The following POC5 variants were observed in gnomAD, a reference collection of about 807,000 sequenced individuals.
POC5 encodes centrosomal protein POC5.
A neutral mutation model predicts 62.9 loss-of-function variants in POC5; 48 were observed. That is an observed-to-expected ratio of 0.76 (90% CI 0.61 to 0.97). The LOEUF (loss-of-function observed/expected upper bound fraction) is 0.97. Ranked by LOEUF, POC5 falls within the 50% of genes least tolerant of loss-of-function variation. The probability of loss-of-function intolerance (pLI) is 0.00; values close to 1 mark genes in which losing one functional copy is unlikely to be tolerated. For synonymous variants in POC5, 236 were observed against 228.2 expected (o/e 1.03, Z -0.31); for missense variants, 696 against 679.5 (o/e 1.02, Z -0.27).
At chr5:75,684,490 G>A (rs985196571) in intron 10 of POC5, among the ~76,000 whole-genome samples, 4 of 150,486 alleles carry the variant, frequency 2.7e-5, no homozygotes, top group African/African-American at 4.9e-5. Flanking sequence ...TCAGCCTCCC[G>A]AGTAGATGGG....
intron 11 of POC5, 33 bp downstream of exon 11, chr5:75,677,740 CT>C (rs751434136): frequency 6.6e-6 from 10 of 1,504,310 alleles, no homozygotes; most frequent in Non-Finnish European, 8.9e-6. Context: ...AGGAAAAAGA[CT>C]TTTTGACAAA....
intron 10 of POC5, among the ~76,000 whole-genome samples, chr5:75,683,689 T>C (rs1437164127): frequency 6.7e-6 from 1 of 149,160 alleles, no homozygotes; most frequent in Non-Finnish European, 1.5e-5. Flanking sequence ...ATGTGCTTCA[T>C]CTGAAACTCT....
chr5:75,707,815 A>G lies in POC5; in HGVS notation c.145T>C (p.Ser49Pro). 6.3e-7 allele frequency: 1 copy of G among 1,586,124 alleles called. No homozygotes were observed. The highest frequency in any genetic ancestry group is 8.6e-7 in the Non-Finnish European group (1 of 1,162,602). Residue 49 changes from serine (S) to proline (P), a missense_variant, in exon 3 of 12, where the codon TCA becomes CCA. By Grantham distance (74) the Ser-to-Pro change is moderately conservative. Transcript: ENST00000428202. Reference sequence around the variant, plus strand: ...TCTCCCTTAGGATGAGATGACTGTGAAGCACAGGGTTCAATATTTGGAGTC... The same window carrying G: ...TCTCCCTTAGGATGAGATGACTGTGGAGCACAGGGTTCAATATTTGGAGTC... Reference protein sequence around the residue: ...IVTPNIEPCASQSSHPKGELV... With the variant: ...IVTPNIEPCAPQSSHPKGELV...
intron 10 of POC5, among the ~76,000 whole-genome samples, chr5:75,684,565 C>T (rs879266998): frequency 9.9e-5 from 15 of 152,004 alleles, no homozygotes; most frequent in Non-Finnish European, 1.6e-4. Flanking sequence ...GGGGTTTCAC[C>T]ATGGCCAGGC....
intron 8 of POC5, among the ~76,000 whole-genome samples, 198 bp downstream of exon 8, chr5:75,690,185 T>C (rs1776267638): frequency 6.6e-6 from 1 of 152,222 alleles, no homozygotes; most frequent in Non-Finnish European, 1.5e-5. Context: ...AACTAATAAT[T>C]TCAATTTCTA....
At position 75,699,184 on chromosome 5, in the gene POC5, T is replaced by C. The variant is rs577231406; in HGVS notation, c.513+3421A>G. 4.9e-3 allele frequency among the ~76,000 whole-genome samples: 752 copies of C among 152,056 alleles called. 2 individuals carry two copies. Among genetic ancestry groups the C allele is most frequent in the Non-Finnish European group, 6.9e-3 (468 of 67,988 alleles). On this transcript the variant is annotated intron_variant, in intron 5 of 11. Coordinates refer to ENST00000428202, the MANE Select transcript of POC5 (RefSeq NM_001099271.2). ...TTCCTTCTGAAACTATTCCAATCAA[T>C]AGAAAAAGAGGGAATCCTCCCTAAC...
In POC5 at chr5:75,692,456, C is replaced by G; in HGVS notation, c.735G>C (p.Lys245Asn). Residue 245 changes from lysine to asparagine, a missense_variant, in exon 7 of 12, where the codon AAG becomes AAC. Transcript: ENST00000428202. The stretch of plus-strand genomic sequence containing the variant: ...GGAAGAATGTTCTCATCAACTCTAT[C>G]TTTTCCTTTTGCTTGCCTATGGCAT... ...LSHAIGKQKE[K>N]IELMRTFFHW... 1 of 1,602,922 alleles carries G rather than the reference C, an allele frequency of 6.2e-7. No individual in the cohort carries two copies. The highest frequency in any genetic ancestry group is 1.1e-5 in the South Asian group (1 of 89,680).
chr5:75,687,043 T>TG (rs1370404573), intron 9 of POC5, among the ~76,000 whole-genome samples: 9 of 142,252 alleles, frequency 6.3e-5, no homozygotes, highest in Admixed American at 2.1e-4. Flanking sequence ...AACAATTTTT[T>TG]TTTTTGTGAG....
chr5:75,689,015 C>T lies in POC5; in HGVS notation c.1126G>A (p.Ala376Thr), dbSNP rs1388367317. 1.9e-6 allele frequency: 3 copies of T among 1,559,924 alleles called. No individual in the cohort carries two copies. The highest frequency in any genetic ancestry group is 2.6e-6 in the Non-Finnish European group (3 of 1,157,244). The change falls in exon 9 of 12, where the codon GCA (alanine) becomes ACA (threonine). Residue 376 changes from alanine to threonine, a missense_variant. Physicochemically the swap from Ala to Thr is moderately conservative, Grantham distance 58 (BLOSUM62 0). Transcript: ENST00000428202. Reference sequence around the variant, plus strand: ...GAAACTTTAATGAAATACTAACCTGCATCATTTCTGTTTTGAAATATAGTC... The same window carrying T: ...GAAACTTTAATGAAATACTAACCTGTATCATTTCTGTTTTGAAATATAGTC... ...AMTIFQNRND[A>T]GIDSTNNKKE...
At chr5:75,695,413 G>T (rs1580026570) in intron 5 of POC5, among the ~76,000 whole-genome samples, 1 of 152,070 alleles carries the variant, frequency 6.6e-6, no homozygotes, top group East Asian at 1.9e-4. Flanking sequence ...CAATTTAAAT[G>T]GTTGGTGGTA....
intron 9 of POC5, among the ~76,000 whole-genome samples, chr5:75,686,541 G>T (rs185100955): frequency 6.6e-6 from 1 of 152,290 alleles, no homozygotes. Flanking sequence ...TGATGAAAGG[G>T]ACTAATTCAA....
In POC5 at chr5:75,685,434, C is replaced by T; in HGVS notation, c.1180G>A (p.Gly394Arg). 6.2e-7 allele frequency: 1 copy of T among 1,613,752 alleles called. No homozygotes were observed. Among genetic ancestry groups the T allele is most frequent in the South Asian group, 1.1e-5 (1 of 91,082 alleles). ...KKEEYGPGVQGKEHSAHLDPS... is the reference protein window; with the variant it reads ...KKEEYGPGVQRKEHSAHLDPS... ...TCCAAATGAGCAGAATGTTCTTTTC[C>T]TTGAACACCAGGACCATACTCTTCC... The change falls in exon 10 of 12, where the codon GGA (glycine) becomes AGA (arginine). Residue 394 changes from glycine to arginine, a missense_variant. Coordinates refer to ENST00000428202, the MANE Select transcript of POC5 (RefSeq NM_001099271.2).
rs769986386 is a variant in POC5 at position 75,685,358 on chromosome 5, G to T, written c.1256C>A (p.Ser419Tyr). The T allele has an allele frequency of 2.0e-5, 33 of 1,613,920 alleles. No homozygotes were observed. The highest frequency in any genetic ancestry group is 2.6e-5 in the Non-Finnish European group (31 of 1,179,908). Reference protein sequence around the residue: ...PLPVTSPLLPSPPAAVGGASA... With the variant: ...PLPVTSPLLPYPPAAVGGASA... ...GGCTCCTCCGACGGCGGCTGGTGGGGATGGCAGCAGTGGTGATGTAACTGG... is the reference window on the plus strand; with the variant it reads ...GGCTCCTCCGACGGCGGCTGGTGGGTATGGCAGCAGTGGTGATGTAACTGG... The change falls in exon 10 of 12, where the codon TCC becomes TAC. Residue 419 changes from serine to tyrosine, a missense_variant. Physicochemically the swap from Ser to Tyr is moderately radical, Grantham distance 144. Transcript: ENST00000428202.
chr5:75,698,501 G>T (rs1776710653), intron 5 of POC5, among the ~76,000 whole-genome samples: 1 of 146,798 alleles, frequency 6.8e-6, no homozygotes, highest in South Asian at 2.2e-4. Context: ...CAGAAATAAA[G>T]ATGTTCTTTG....
At chr5:75,680,461 T>C (rs1775825966) in intron 10 of POC5, among the ~76,000 whole-genome samples, 1 of 152,126 alleles carries the variant, frequency 6.6e-6, no homozygotes, top group Non-Finnish European at 1.5e-5. Flanking sequence ...AAATGACTTC[T>C]AAAAGACTTC....
chr5:75,689,065 AC>A lies in POC5; in HGVS notation c.1075del (p.Val359TyrfsTer4), dbSNP rs1225313164. ...DSMKKAFMRG[V>X]CALNLEAMTI... ...CATGGCTTCAAGATTTAATGCACATACACCCCTCATGAAAGCTTTTTTCATG... is the reference window on the plus strand; with the variant it reads ...CATGGCTTCAAGATTTAATGCACATAACCCCTCATGAAAGCTTTTTTCATG... On this transcript the variant is annotated frameshift_variant, in exon 9 of 12. Transcript: ENST00000428202. LOFTEE classifies it high-confidence loss of function. 1 of 1,606,680 alleles carries A rather than the reference AC, an allele frequency of 6.2e-7. No homozygotes were observed. The highest frequency in any genetic ancestry group is 1.1e-5 in the South Asian group (1 of 88,946).
intron 1 of POC5, among the ~76,000 whole-genome samples, chr5:75,714,389 A>G (rs535632698): frequency 1.3e-4 from 20 of 151,994 alleles, no homozygotes; most frequent in African/African-American, 4.3e-4. Context: ...AAAAAAAAAG[A>G]GAGAGAGATC....
In POC5 at chr5:75,694,671, A is replaced by G. The variant is rs773455229; in HGVS notation, c.674T>C (p.Ile225Thr). The G allele has an allele frequency of 2.1e-5, 33 of 1,560,204 alleles. No homozygotes were observed. In the Middle Eastern group the frequency reaches 1.4e-3, roughly 64 times the overall value. Residue 225 changes from isoleucine (I) to threonine (T), a missense_variant, in exon 6 of 12, where the codon ATT (isoleucine) becomes ACT (threonine). Coordinates refer to ENST00000428202, the MANE Select transcript of POC5 (RefSeq NM_001099271.2). ...AAAGAAGACCTCATCTTTTCTCCCAATGGAGATTTCAAAGGTTTTTTGCAG... is the reference window on the plus strand; with the variant it reads ...AAAGAAGACCTCATCTTTTCTCCCAGTGGAGATTTCAAAGGTTTTTTGCAG... Reference protein sequence around the residue: ...KELQKTFEISIGRKDEVISSL... With the variant: ...KELQKTFEISTGRKDEVISSL...
Position 75,712,885 on chromosome 5 carries a change from CTG to C in POC5, c.51_52del (p.Gly20GlnfsTer12). 1 of 1,612,508 alleles carries C rather than the reference CTG, an allele frequency of 6.2e-7. No homozygotes were observed. The highest frequency in any genetic ancestry group is 8.5e-7 in the Non-Finnish European group (1 of 1,179,226). The stretch of plus-strand genomic sequence containing the variant: ...ATTCGAAGAGACAGAACTGCCTCGA[CTG>C]GAGTCATTTTGCACAACTGGAAGTG... On this transcript the variant is annotated frameshift_variant, in exon 2 of 12. Transcript: ENST00000428202. LOFTEE classifies it high-confidence loss of function.
Sources: allele counts gnomAD v4.1 joint callset (sites outside exome capture counted in the v4.1 genomes callset), GRCh38; gene constraint gnomAD v4.1.1; transcripts MANE v1.5; gene names NCBI Gene and HGNC (gene_info 2026-07-23, HGNC 2026-07-21).